The following RCAN1 variants were observed in gnomAD, a reference collection of about 807,000 sequenced individuals.
RCAN1 encodes the protein regulator of calcineurin 1, also known as calcipressin-1.
Under a neutral mutation model 22.9 loss-of-function variants are expected in RCAN1, and 11 were observed. The ratio of observed to expected loss-of-function variants is 0.48; its 90% CI spans 0.30 to 0.79. The LOEUF is 0.79. Among genes scored for constraint, RCAN1 ranks in the 30% least tolerant of loss-of-function variants. The pLI, the probability that RCAN1 is intolerant of heterozygous loss-of-function variation, is 0.06. For synonymous variants in RCAN1, 136 were observed against 142.3 expected (o/e 0.96, Z 0.32); for missense variants, 291 against 337.8 (o/e 0.86, Z 1.09).
chr21:34,593,253 G>A (rs1431715467), intron 1 of RCAN1, among the ~76,000 whole-genome samples: 4 of 152,214 alleles, frequency 2.6e-5, no homozygotes, highest in African/African-American at 9.6e-5. Context: ...CATCAAAAAT[G>A]TTCAAGTATT....
At chr21:34,585,132 C>T (rs1035515732) in intron 1 of RCAN1, among the ~76,000 whole-genome samples, 65 of 152,170 alleles carry the variant, frequency 4.3e-4, no homozygotes, top group African/African-American at 1.5e-3. Flanking sequence ...AAGATTTCAA[C>T]TTCACTCTTT....
Position 34,615,105 on chromosome 21 carries a change from T to C in RCAN1, c.-94A>G. 1.0e-6 allele frequency: 1 copy of C among 980,930 alleles called. No homozygotes were observed. Among genetic ancestry groups the C allele is most frequent in the Non-Finnish European group, 1.2e-6 (1 of 824,048 alleles). 60.8% of individuals were successfully genotyped at this position (980,930 alleles called of 1,614,324 possible). A position where few individuals can be genotyped will look rare whatever the true frequency, so the allele number is the denominator to read the frequency against. ...CTCCGGTCCGCGCCCGGCCGGCGGC[T>C]CCGCCGTTAACCCCCTCGGAATCGC... On this transcript the variant is annotated 5_prime_UTR_variant, in exon 1 of 4. Transcript: ENST00000313806.
chr21:34,596,591 G>A (rs888407381), intron 1 of RCAN1, among the ~76,000 whole-genome samples: 2 of 152,160 alleles, frequency 1.3e-5, no homozygotes, highest in African/African-American at 4.8e-5. Context: ...AAGGTTTAGA[G>A]CCGTCTCAGG....
chr21:34,525,009 G>A, intron 1 of RCAN1: 3 of 1,529,510 alleles, frequency 2.0e-6, no homozygotes, highest in Non-Finnish European at 1.8e-6. Flanking sequence ...CCGTGTGAAA[G>A]GCAGAAGGGG....
In RCAN1 at chr21:34,610,748, C is replaced by T. The variant is rs181321562; in HGVS notation, c.252+4012G>A. ...TTTCAAAGCTCCCTAGAGACTCTGACGTGCAGCTAAGGTTGGGAGCACTGC... is the reference window on the plus strand; with the variant it reads ...TTTCAAAGCTCCCTAGAGACTCTGATGTGCAGCTAAGGTTGGGAGCACTGC... On this transcript the variant is annotated intron_variant, in intron 1 of 3. Coordinates refer to ENST00000313806, the MANE Select transcript of RCAN1 (RefSeq NM_004414.7). Among the ~76,000 whole-genome samples, 332 of 152,252 alleles carry T rather than the reference C, an allele frequency of 2.2e-3. 3 individuals are homozygous for T. Among genetic ancestry groups the T allele is most frequent in the African/African-American group, 7.8e-3 (322 of 41,530 alleles).
chr21:34,517,876 A>G lies in RCAN1; in HGVS notation c.*208T>C. ...CACCACAAACTCAGTGATTGGCCCA[A>G]GTCATTCCCGGGTGCCATGAACAGT... On this transcript the variant is annotated 3_prime_UTR_variant, in exon 4 of 4. Transcript: ENST00000313806. The G allele has an allele frequency of 3.3e-6, 2 of 606,828 alleles. No homozygotes were observed. The highest frequency in any genetic ancestry group is 2.0e-5 in the South Asian group (1 of 49,408). The allele number at this position is 606,828 out of a possible 1,614,324, so 37.6% of individuals were successfully genotyped here.
chr21:34,613,746 AAAGT>A (rs1988739973), intron 1 of RCAN1: 1 of 1,475,404 alleles, frequency 6.8e-7, no homozygotes, highest in Non-Finnish European at 9.1e-7. Context: ...TTCCTTTCAG[AAAGT>A]AAGTGAACAT....
chr21:34,539,209 G>A (rs1358511635), intron 1 of RCAN1, among the ~76,000 whole-genome samples: 2 of 152,166 alleles, frequency 1.3e-5, no homozygotes, highest in African/African-American at 4.8e-5. Flanking sequence ...AACATTAGAT[G>A]CAAATATGTT....
At chr21:34,552,039 C>G (rs1251837401) in intron 1 of RCAN1, among the ~76,000 whole-genome samples, 1 of 152,134 alleles carries the variant, frequency 6.6e-6, no homozygotes, top group East Asian at 1.9e-4. Flanking sequence ...ATGTCTCTAT[C>G]AGGGTTCCTC....
At chr21:34,580,552 C>T (rs1178183463) in intron 1 of RCAN1, among the ~76,000 whole-genome samples, 1 of 152,190 alleles carries the variant, frequency 6.6e-6, no homozygotes, top group African/African-American at 2.4e-5. Flanking sequence ...TGCTGCAACC[C>T]GAAGCAGCTG....
At chr21:34,576,764 T>C (rs1304303539) in intron 1 of RCAN1, among the ~76,000 whole-genome samples, 2 of 152,172 alleles carry the variant, frequency 1.3e-5, no homozygotes, top group African/African-American at 4.8e-5. Flanking sequence ...ATCAATATTA[T>C]AACACAAACA....
chr21:34,556,429 A>AATAATAAT (rs1555861219), intron 1 of RCAN1, among the ~76,000 whole-genome samples: 2 of 145,540 alleles, frequency 1.4e-5, no homozygotes, highest in East Asian at 2.0e-4. Context: ...TTGTCTCAAA[A>AATAATAAT]AATAATAATA....
chr21:34,530,351 A>T (rs1433100466), intron 1 of RCAN1, among the ~76,000 whole-genome samples: 1 of 152,206 alleles, frequency 6.6e-6, no homozygotes, highest in Non-Finnish European at 1.5e-5. Context: ...GTTTATGATG[A>T]ATTCCATCAT....
intron 2 of RCAN1, chr21:34,522,977 C>T (rs1296549784): frequency 6.6e-6 from 1 of 152,300 alleles, no homozygotes; most frequent in Admixed American, 6.5e-5. Flanking sequence ...CGTGGGTGCC[C>T]TGGGGCTGGG....
chr21:34,530,638 T>G (rs111388967), intron 1 of RCAN1, among the ~76,000 whole-genome samples: 3 of 131,950 alleles, frequency 2.3e-5, no homozygotes. Context: ...TTTTTTTTTT[T>G]TTTTTGAGAC....
chr21:34,554,286 T>G (rs997277844), intron 1 of RCAN1, among the ~76,000 whole-genome samples: 2 of 152,244 alleles, frequency 1.3e-5, no homozygotes, highest in Non-Finnish European at 2.9e-5. Flanking sequence ...GAAATCATTA[T>G]TTTATTAAGA....
At chr21:34,565,080 C>T (rs1420305322) in intron 1 of RCAN1, among the ~76,000 whole-genome samples, 1 of 152,132 alleles carries the variant, frequency 6.6e-6, no homozygotes, top group African/African-American at 2.4e-5. Flanking sequence ...GGCATGGTGG[C>T]ATGCACCTGT....
At chr21:34,550,055 G>A (rs1986308425) in intron 1 of RCAN1, among the ~76,000 whole-genome samples, 1 of 152,166 alleles carries the variant, frequency 6.6e-6, no homozygotes, top group African/African-American at 2.4e-5. Flanking sequence ...GAGTGGCAGA[G>A]GCCCATTCTA....
chr21:34,580,720 A>C (rs1467964979), intron 1 of RCAN1, among the ~76,000 whole-genome samples: 1 of 152,154 alleles, frequency 6.6e-6, no homozygotes, highest in Admixed American at 6.5e-5. Flanking sequence ...TGCATGGCTC[A>C]CCATGATCTC....
Sources: allele counts gnomAD v4.1 joint callset (sites outside exome capture counted in the v4.1 genomes callset), GRCh38; gene constraint gnomAD v4.1.1; transcripts MANE v1.5; gene names NCBI Gene and HGNC (gene_info 2026-07-23, HGNC 2026-07-21).